CFAP46: variants seen among roughly 807,000 people sequenced by gnomAD.
The protein encoded by CFAP46 is cilia and flagella associated protein 46.
In CFAP46, 245 loss-of-function variants were observed where a neutral mutation model predicts 325.7. That is an observed-to-expected ratio of 0.75 (90% CI 0.68 to 0.84). The LOEUF (loss-of-function observed/expected upper bound fraction) is 0.84. Among genes scored for constraint, CFAP46 ranks in the 40% least tolerant of loss-of-function variants. The pLI, the probability that CFAP46 is intolerant of heterozygous loss-of-function variation, is 0.00. For missense variants in CFAP46, 3,346 were observed against 3,543.0 expected (o/e 0.94, Z 1.41); for synonymous variants, 1,523 against 1,495.9 (o/e 1.02, Z -0.42).
At position 132,810,496 on chromosome 10, in the gene CFAP46, G is replaced by A. The variant is rs1847557209; in HGVS notation, c.7584-7C>T. ...TTCCCAACGGCCAACAGATCTAGGGGAGAAACGTCCCCTCAGGAGGGCATG... is the reference window on the plus strand; with the variant it reads ...TTCCCAACGGCCAACAGATCTAGGGAAGAAACGTCCCCTCAGGAGGGCATG... On this transcript the variant is annotated splice_polypyrimidine_tract_variant and splice_region_variant and intron_variant, in intron 56 of 57. Coordinates refer to ENST00000368586, the MANE Select transcript of CFAP46 (RefSeq NM_001200049.3). The A allele has an allele frequency of 1.2e-6, 2 of 1,612,978 alleles. No homozygotes were observed. Among genetic ancestry groups the A allele is most frequent in the Non-Finnish European group, 1.7e-6 (2 of 1,179,614 alleles).
At chr10:132,928,115 C>T (rs1265379930) in intron 9 of CFAP46, among the ~76,000 whole-genome samples, 2 of 152,202 alleles carry the variant, frequency 1.3e-5, no homozygotes, top group Non-Finnish European at 2.9e-5. Context: ...CAGGGGCCCA[C>T]CCGAGAGCCT....
Position 132,913,297 on chromosome 10 carries a change from C to T in CFAP46, c.2121-39G>A, listed in dbSNP as rs145397986. 594 of 1,528,696 alleles carry T rather than the reference C, an allele frequency of 3.9e-4. 4 individuals carry two copies. In the East Asian group the frequency reaches 0.013, roughly 35 times the overall value. The allele number at this position is 1,528,696 out of a possible 1,614,324, so 94.7% of individuals were successfully genotyped here. A position where few individuals can be genotyped will look rare whatever the true frequency, so the allele number is the denominator to read the frequency against. On this transcript the variant is annotated intron_variant, in intron 17 of 57. Coordinates refer to ENST00000368586, the MANE Select transcript of CFAP46 (RefSeq NM_001200049.3). ...ACCACCAAGCCCTTAATGCAGGGTCCCCAGCCCCGGGGCCAGGCACCAGGA... is the reference window on the plus strand; with the variant it reads ...ACCACCAAGCCCTTAATGCAGGGTCTCCAGCCCCGGGGCCAGGCACCAGGA...
At chr10:132,933,178 C>T (rs1198179628) in intron 8 of CFAP46, among the ~76,000 whole-genome samples, 1 of 152,196 alleles carries the variant, frequency 6.6e-6, no homozygotes, top group Non-Finnish European at 1.5e-5. Flanking sequence ...GGGGTGCGGA[C>T]GCTTCTCCGC....
At chr10:132,844,949 G>A (rs577532561) in intron 44 of CFAP46, among the ~76,000 whole-genome samples, 1 of 152,258 alleles carries the variant, frequency 6.6e-6, no homozygotes, top group East Asian at 1.9e-4. Flanking sequence ...GAACTCCTGG[G>A]CTCAAGTGAT....
chr10:132,835,331 A>C lies in CFAP46; in HGVS notation c.6717T>G (p.Ser2239Arg). The C allele has an allele frequency of 6.2e-7, 1 of 1,613,436 alleles. No homozygotes were observed. Among genetic ancestry groups the C allele is most frequent in the South Asian group, 1.1e-5 (1 of 91,078 alleles). ...AGCCTATGTTCAGGGCCATGTCCTC[A>C]CTGTACACCTGGGCCTGGGTCTGCT... ...FRKQTQAQVY[S>R]EDMALNIGSE... Residue 2239 changes from serine to arginine, a missense_variant, in exon 47 of 58, where the codon AGT becomes AGG. Transcript: ENST00000368586.
At chr10:132,860,225 CAAAG>C (rs1242458478) in intron 37 of CFAP46, among the ~76,000 whole-genome samples, 188 bp downstream of exon 37, 9 of 152,204 alleles carry the variant, frequency 5.9e-5, no homozygotes, top group Admixed American at 3.3e-4. Flanking sequence ...GTCCACTTCT[CAAAG>C]AAAGTCTGAA....
At chr10:132,871,555 T>C (rs1366784182) in intron 32 of CFAP46, among the ~76,000 whole-genome samples, 1 of 152,186 alleles carries the variant, frequency 6.6e-6, no homozygotes, top group Non-Finnish European at 1.5e-5. Context: ...CCAAACCTCA[T>C]GGATGACTTT....
Position 132,877,720 on chromosome 10 carries a change from C to T in CFAP46, c.4212+161G>A, listed in dbSNP as rs7098139. Among the ~76,000 whole-genome samples the T allele has an allele frequency of 0.02, 3,034 of 151,400 alleles. 87 individuals carry two copies. The highest frequency in any genetic ancestry group is 0.066 in the African/African-American group (2,729 of 41,286). On this transcript the variant is annotated intron_variant, in intron 30 of 57. Transcript: ENST00000368586. This position sits in a 1 kb window ranked among gnomAD's most constrained non-coding sequence, Gnocchi z 5.7. ...GCACTGAGGCCACCTGGGGCTCCTC[C>T]GAGAACCCTGACAGGCAGGGAAACT...
rs188135205 is a variant in CFAP46, at chr10:132,879,668, G to A, written c.3800-37C>T. On this transcript the variant is annotated intron_variant, in intron 28 of 57. Coordinates refer to ENST00000368586, the MANE Select transcript of CFAP46 (RefSeq NM_001200049.3). ...GGTGCCCGAGGCTGAGAGCAGGCCC[G>A]GCTACGGGTCTGTGGGCCCCAGGCC... The A allele has an allele frequency of 1.0e-4, 150 of 1,466,144 alleles. No individual in the cohort carries two copies. In the African/African-American group the frequency reaches 1.4e-3, roughly 14 times the overall value. 90.8% of individuals were successfully genotyped at this position (1,466,144 alleles called of 1,614,324 possible). A position where few individuals can be genotyped will look rare whatever the true frequency, so the allele number is the denominator to read the frequency against.
Position 132,939,072 on chromosome 10 carries a change from T to C in CFAP46, c.372-319A>G, listed in dbSNP as rs1850059051. On this transcript the variant is annotated intron_variant, in intron 4 of 57. Transcript: ENST00000368586. This position sits in a 1 kb window ranked among gnomAD's most constrained non-coding sequence, Gnocchi z 4.6. ...CTTCATCAATTATTCCACAAACTGA[T>C]CGGCCCCCTCCCATGAAAATACACC... Among the ~76,000 whole-genome samples, 1 of 152,108 alleles carries C rather than the reference T, an allele frequency of 6.6e-6. No individual in the cohort carries two copies. Among genetic ancestry groups the C allele is most frequent in the South Asian group, 2.1e-4 (1 of 4,832 alleles).
At chr10:132,908,874 T>C (rs1333510587) in intron 21 of CFAP46, among the ~76,000 whole-genome samples, 1 of 152,230 alleles carries the variant, frequency 6.6e-6, no homozygotes, top group Non-Finnish European at 1.5e-5. Context: ...AGCCCTTGGC[T>C]GCCCCTGAGC....
At chr10:132,925,072 C>T (rs1037131932) in intron 10 of CFAP46, among the ~76,000 whole-genome samples, 186 bp from the exon 11 acceptor site, 2 of 152,214 alleles carry the variant, frequency 1.3e-5, no homozygotes, top group African/African-American at 2.4e-5. Flanking sequence ...GGACGTCTCA[C>T]AAGATATTAC....
intron 16 of CFAP46, among the ~76,000 whole-genome samples, chr10:132,917,322 A>T (rs911304740): frequency 2.6e-5 from 4 of 152,196 alleles, no homozygotes; most frequent in African/African-American, 9.7e-5. Flanking sequence ...GGGAACTCTG[A>T]AGTCACACAA....
In CFAP46 at chr10:132,869,629, G is replaced by C. The variant is rs147894372; in HGVS notation, c.4512-257C>G. Among the ~76,000 whole-genome samples the C allele has an allele frequency of 6.6e-6, 1 of 152,140 alleles. No individual in the cohort carries two copies. The highest frequency in any genetic ancestry group is 2.1e-4 in the South Asian group (1 of 4,818). ...CATTATCTGTTGCCTCCTGGACGCC[G>C]TCCGAGGAGAAGAGGAGGCCCTCAG... On this transcript the variant is annotated intron_variant, in intron 32 of 57. Transcript: ENST00000368586. This position sits in a 1 kb window ranked among gnomAD's most constrained non-coding sequence, Gnocchi z 6.2.
At chr10:132,834,386 C>T (rs753056327) in intron 48 of CFAP46, among the ~76,000 whole-genome samples, 1 of 152,170 alleles carries the variant, frequency 6.6e-6, no homozygotes, top group Non-Finnish European at 1.5e-5. Flanking sequence ...GCAGCCCGGG[C>T]GGTCCCTTGG....
chr10:132,824,163 G>GA (rs1847974228), intron 50 of CFAP46, among the ~76,000 whole-genome samples: 1 of 143,496 alleles, frequency 7.0e-6, no homozygotes, highest in Admixed American at 7.0e-5. Context: ...TGTGTGTGCT[G>GA]TGTGCTGTGT....
intron 44 of CFAP46, among the ~76,000 whole-genome samples, chr10:132,838,817 A>C (rs937340575): frequency 6.6e-6 from 1 of 152,258 alleles, no homozygotes; most frequent in Non-Finnish European, 1.5e-5. Context: ...CCCACGGGCT[A>C]CTGTGCCAAG....
At chr10:132,901,037 G>A (rs186376044) in intron 22 of CFAP46, among the ~76,000 whole-genome samples, 9 of 152,344 alleles carry the variant, frequency 5.9e-5, no homozygotes, top group African/African-American at 2.2e-4. Context: ...CCGGACACCA[G>A]CTTTCTTGTG....
chr10:132,883,070 C>T (rs1363213685), intron 27 of CFAP46, among the ~76,000 whole-genome samples: 5 of 152,160 alleles, frequency 3.3e-5, no homozygotes, highest in Admixed American at 1.3e-4. Context: ...GCAACAGTTT[C>T]GCAGATATAA....
Sources: gnomAD v4.1 joint callset for allele counts (sites outside exome capture counted in the v4.1 genomes callset) on GRCh38, gnomAD v4.1.1 for gene constraint, Gnocchi (gnomAD v3.1) non-coding constraint, MANE v1.5 for transcripts, NCBI Gene and HGNC (gene_info 2026-07-23, HGNC 2026-07-21) for gene names.